Variants in DPP8 observed in about 807,000 individuals in gnomAD.
DPP8 encodes dipeptidyl peptidase 8, also known as DPP VIII.
A neutral mutation model predicts 107.5 loss-of-function variants in DPP8; 31 were observed. That is an observed-to-expected ratio of 0.29 (90% CI 0.22 to 0.39). DPP8 has a LOEUF of 0.39. Ranked by LOEUF, DPP8 falls within the 10% of genes least tolerant of loss-of-function variation. DPP8 has a pLI of 1.00. For synonymous variants in DPP8, 381 were observed against 356.6 expected (o/e 1.07, Z -0.77); for missense variants, 842 against 1,076.1 (o/e 0.78, Z 3.04).
chr15:65,513,052 G>A (rs926888029), intron 1 of DPP8, among the ~76,000 whole-genome samples: 6 of 152,194 alleles, frequency 3.9e-5, no homozygotes, highest in Non-Finnish European at 8.8e-5. Context: ...TAATAAAATT[G>A]TCAAAAATAA....
At chr15:65,461,708 A>G (rs1595887707) in intron 15 of DPP8, among the ~76,000 whole-genome samples, 1 of 151,558 alleles carries the variant, frequency 6.6e-6, no homozygotes, top group South Asian at 2.1e-4. Context: ...GGTTCAAACG[A>G]TTCTCCTGCC....
At chr15:65,455,569 C>G (rs1385102963) in intron 16 of DPP8, 2 of 764,098 alleles carry the variant, frequency 2.6e-6, no homozygotes, top group Non-Finnish European at 3.5e-6. Flanking sequence ...CTACCACCAC[C>G]ACCTTGTCTA....
intron 15 of DPP8, among the ~76,000 whole-genome samples, chr15:65,460,918 C>A (rs1357399148): frequency 2.0e-5 from 3 of 152,170 alleles, no homozygotes; most frequent in Non-Finnish European, 4.4e-5. Context: ...TTTTCCACAG[C>A]AGCTATAACA....
intron 4 of DPP8, among the ~76,000 whole-genome samples, chr15:65,498,838 G>C (rs903228537): frequency 6.6e-6 from 1 of 152,032 alleles, no homozygotes; most frequent in Non-Finnish European, 1.5e-5. Flanking sequence ...AGGATCACTT[G>C]AGCCTAAAGT....
chr15:65,452,826 G>T (rs2064088502), intron 17 of DPP8, among the ~76,000 whole-genome samples: 2 of 151,960 alleles, frequency 1.3e-5, no homozygotes, highest in Non-Finnish European at 2.9e-5. Context: ...ACAAAAATTA[G>T]CTGGGAATAG....
In DPP8 at chr15:65,461,067, T is replaced by C. The variant is rs147900521; in HGVS notation, c.1971+2694A>G. Among the ~76,000 whole-genome samples, 440 of 152,338 alleles carry C rather than the reference T, an allele frequency of 2.9e-3. 6 individuals carry two copies. Among genetic ancestry groups the C allele is most frequent in the Admixed American group, 0.01 (155 of 15,302 alleles). On this transcript the variant is annotated intron_variant, in intron 15 of 19. Coordinates refer to ENST00000300141, the MANE Select transcript of DPP8 (RefSeq NM_130434.5). The stretch of plus-strand genomic sequence containing the variant: ...TATCTCACAGTGGCTTTGATTTGCA[T>C]TTCCCTAATGACTAGTCATATTGAG...
chr15:65,493,697 T>C (rs2068272745), intron 5 of DPP8, among the ~76,000 whole-genome samples: 1 of 152,176 alleles, frequency 6.6e-6, no homozygotes, highest in Non-Finnish European at 1.5e-5. Flanking sequence ...CTGTTTATTA[T>C]AGACTTCCAT....
intron 14 of DPP8, among the ~76,000 whole-genome samples, chr15:65,466,198 G>A (rs537756373): frequency 6.6e-6 from 1 of 152,114 alleles, no homozygotes; most frequent in South Asian, 2.1e-4. Flanking sequence ...CAGTTCAGTG[G>A]TGTGATCTTA....
intron 17 of DPP8, among the ~76,000 whole-genome samples, chr15:65,453,586 T>C (rs753808795): frequency 6.6e-6 from 1 of 151,788 alleles, no homozygotes; most frequent in Non-Finnish European, 1.5e-5. Context: ...CTAGCCAACA[T>C]GGTGAAACTC....
intron 3 of DPP8, among the ~76,000 whole-genome samples, chr15:65,506,789 A>G (rs2070089854): frequency 6.6e-6 from 1 of 150,714 alleles, no homozygotes. Flanking sequence ...AAGATAAAAT[A>G]TTGGGGGAAA....
chr15:65,497,456 G>A (rs1417566673), intron 5 of DPP8, among the ~76,000 whole-genome samples: 1 of 151,806 alleles, frequency 6.6e-6, no homozygotes, highest in Non-Finnish European at 1.5e-5. Flanking sequence ...GTGTCACCAT[G>A]TTGCCCATCC....
At chr15:65,459,505 C>T (rs2064732218) in intron 15 of DPP8, 1 of 151,812 alleles carries the variant, frequency 6.6e-6, no homozygotes, top group Admixed American at 6.6e-5. Context: ...TGAATTTTTC[C>T]AAAGAATATT....
intron 11 of DPP8, among the ~76,000 whole-genome samples, chr15:65,478,354 G>A (rs1389793602): frequency 6.6e-6 from 1 of 152,156 alleles, no homozygotes; most frequent in Non-Finnish European, 1.5e-5. Context: ...CGCCTCCTGG[G>A]TTCAAGTGAT....
At position 65,506,461 on chromosome 15, in the gene DPP8, A is replaced by G. The variant is rs2070005645; in HGVS notation, c.372+782T>C. Among the ~76,000 whole-genome samples the G allele has an allele frequency of 2.6e-5, 4 of 151,700 alleles. No individual in the cohort carries two copies. The South Asian group carries it at 8.3e-4, about 32-fold the overall frequency. ...ACAATTTACTTTCTTATCTAAAGATAAAATCGGCCAGGTGAGGTGGCTCAC... is the reference window on the plus strand; with the variant it reads ...ACAATTTACTTTCTTATCTAAAGATGAAATCGGCCAGGTGAGGTGGCTCAC... On this transcript the variant is annotated intron_variant, in intron 3 of 19. Transcript: ENST00000300141.
intron 5 of DPP8, among the ~76,000 whole-genome samples, chr15:65,492,823 CCT>C (rs1567244401): frequency 3.3e-5 from 5 of 151,976 alleles, no homozygotes; most frequent in African/African-American, 1.2e-4. Flanking sequence ...GTCTCAAACC[CCT>C]GAGCTCAAGT....
At chr15:65,491,631 T>C (rs965635494) in intron 5 of DPP8, among the ~76,000 whole-genome samples, 1 of 152,260 alleles carries the variant, frequency 6.6e-6, no homozygotes, top group Non-Finnish European at 1.5e-5. Context: ...AGTAGTTAGT[T>C]GCTGTTTACT....
chr15:65,512,600 C>A, intron 1 of DPP8, 36 bp from the exon 2 acceptor site: 2 of 1,605,810 alleles, frequency 1.2e-6, no homozygotes, highest in South Asian at 2.2e-5. Context: ...GTTCACGGGT[C>A]TATCTTCTAT....
chr15:65,499,379 C>T (rs569962460), intron 4 of DPP8, among the ~76,000 whole-genome samples: 12 of 151,906 alleles, frequency 7.9e-5, no homozygotes, highest in Non-Finnish European at 1.5e-4. Context: ...ACTACAGGTG[C>T]GCCTGCCTAA....
intron 14 of DPP8, among the ~76,000 whole-genome samples, chr15:65,465,117 G>T (rs926108847): frequency 2.0e-5 from 3 of 151,400 alleles, no homozygotes; most frequent in Non-Finnish European, 2.9e-5. Context: ...TTCTGCTTGT[G>T]GACATTAAAA....
Sources: gnomAD v4.1 joint callset for allele counts (sites outside exome capture counted in the v4.1 genomes callset) on GRCh38, gnomAD v4.1.1 for gene constraint, MANE v1.5 for transcripts, NCBI Gene and HGNC (gene_info 2026-07-23, HGNC 2026-07-21) for gene names.